LGALS3: variants seen among roughly 807,000 people sequenced by gnomAD.
LGALS3 encodes galectin 3, also known as galectin-3.
A neutral mutation model predicts 20.7 loss-of-function variants in LGALS3; 18 were observed. The ratio of observed to expected loss-of-function variants is 0.87; its 90% CI spans 0.60 to 1.29. LGALS3 has a LOEUF of 1.29. Among genes scored for constraint, LGALS3 ranks in the 50% most tolerant of loss-of-function variants. LGALS3 has a pLI of 0.00. For missense variants in LGALS3, 315 were observed against 314.7 expected, an observed-to-expected ratio of 1.00 and a Z score of -0.01; for synonymous variants, 112 against 119.6, an observed-to-expected ratio of 0.94 and a Z score of 0.42.
rs1491130032 is a variant in LGALS3 at position 55,130,766 on chromosome 14, G to GT, written c.-5+1467dup. Among the ~76,000 whole-genome samples the GT allele has an allele frequency of 4.8e-3, 606 of 126,246 alleles. 4 individuals carry two copies. Among genetic ancestry groups the GT allele is most frequent in the Non-Finnish European group, 8.2e-3 (487 of 59,044 alleles). 82.8% of individuals were successfully genotyped at this position (126,246 alleles called of 152,430 possible). A position where few individuals can be genotyped will look rare whatever the true frequency, so the allele number is the denominator to read the frequency against. ...TGGTGGTGGTGGTGGGGGGGGGGGG[G>GT]TCCCTCCATGTTGGTCAGGCTGGTC... is the stretch of plus-strand genomic sequence containing the variant. On this transcript the variant is annotated intron_variant, in intron 1 of 5. Coordinates refer to ENST00000254301, the MANE Select transcript of LGALS3 (RefSeq NM_002306.4).
At chr14:55,130,754 G>T (rs75585784) in intron 1 of LGALS3, among the ~76,000 whole-genome samples, 10,343 of 76,140 alleles carry the variant, frequency 0.14, 1,385 homozygotes, top group African/African-American at 0.44. Context: ...TGGTGGTGGT[G>T]GGGGGGGGGG....
rs764690886 is a variant in LGALS3 at position 55,142,758 on chromosome 14, T to C, written c.597+9T>C. The C allele has an allele frequency of 5.6e-6, 9 of 1,597,238 alleles. No homozygotes were observed. The South Asian group carries it at 7.7e-5, about 14-fold the overall frequency. ...GTGGGAAACCATTCAAAGTAAGTTA[T>C]TGCTACTATTATATATTGATAATGT... On this transcript the variant is annotated intron_variant, in intron 5 of 5. Transcript: ENST00000254301.
At position 55,129,574 on chromosome 14, in the gene LGALS3, C is replaced by A. The variant is rs1258944987; in HGVS notation, c.-5+274C>A. ...ACCCACACACGTCCCCGGGGCGGCA[C>A]GGGCCACCTTCTGCGGAGCCTCGTG... On this transcript the variant is annotated intron_variant, in intron 1 of 5. Coordinates refer to ENST00000254301, the MANE Select transcript of LGALS3 (RefSeq NM_002306.4). The surrounding 1 kb of genome is among the most constrained non-coding windows in gnomAD (Gnocchi z 5.3). 6.6e-6 allele frequency among the ~76,000 whole-genome samples: 1 copy of A among 152,166 alleles called. No homozygotes were observed. The highest frequency in any genetic ancestry group is 1.5e-5 in the Non-Finnish European group (1 of 68,006).
At position 55,145,126 on chromosome 14, in the gene LGALS3, T is replaced by C. The variant is rs1454837098; in HGVS notation, c.608T>C (p.Leu203Pro). The C allele has an allele frequency of 6.2e-7, 1 of 1,613,484 alleles. No individual in the cohort carries two copies. Among genetic ancestry groups the C allele is most frequent in the South Asian group, 1.1e-5 (1 of 91,036 alleles). ...ESGKPFKIQV[L>P]VEPDHFKVAV... ...TATATGCCATTTCAGATACAAGTAC[T>C]GGTTGAACCTGACCACTTCAAGGTT... The change falls in exon 6 of 6, where the codon CTG becomes CCG. Residue 203 changes from leucine (L) to proline (P), a missense_variant. Leu to Pro is a moderately conservative substitution (Grantham distance 98). Transcript: ENST00000254301.
At chr14:55,135,814 C>T (rs1432518861) in intron 1 of LGALS3, among the ~76,000 whole-genome samples, 1 of 152,174 alleles carries the variant, frequency 6.6e-6, no homozygotes, top group South Asian at 2.1e-4. Flanking sequence ...ATTTGCCCAC[C>T]TTGGCCTCCC....
chr14:55,143,312 G>A (rs1881693997), intron 5 of LGALS3: 1 of 234,716 alleles, frequency 4.3e-6, no homozygotes, highest in African/African-American at 2.4e-5. Context: ...GTTGACTATA[G>A]AGTGGTGAAT....
At chr14:55,143,598 T>A (rs1485929329) in intron 5 of LGALS3, 2 of 209,132 alleles carry the variant, frequency 9.6e-6, no homozygotes, top group African/African-American at 4.8e-5. Context: ...ACTTTTGTAT[T>A]TTCTGTAGAG....
At chr14:55,134,638 C>T (rs759333744) in intron 1 of LGALS3, among the ~76,000 whole-genome samples, 3 of 152,260 alleles carry the variant, frequency 2.0e-5, no homozygotes, top group Non-Finnish European at 4.4e-5. Context: ...GTTTCTTATA[C>T]GGTAGTGTGG....
At chr14:55,141,724 C>A (rs1260797890) in intron 4 of LGALS3, among the ~76,000 whole-genome samples, 1 of 152,172 alleles carries the variant, frequency 6.6e-6, no homozygotes, top group African/African-American at 2.4e-5. Context: ...AAATTCTATG[C>A]TGTTTTTTCC....
chr14:55,136,795 C>T, intron 1 of LGALS3, among the ~76,000 whole-genome samples: 1 of 151,592 alleles, frequency 6.6e-6, no homozygotes, highest in Non-Finnish European at 1.5e-5. Context: ...ACTATCCCCA[C>T]CTCCCTCCCA....
At chr14:55,140,901 CT>C (rs1464632190) in intron 4 of LGALS3, among the ~76,000 whole-genome samples, 1 of 152,152 alleles carries the variant, frequency 6.6e-6, no homozygotes, top group African/African-American at 2.4e-5. Context: ...CTAATTATGG[CT>C]GTCCTGGGCT....
At chr14:55,140,210 A>G (rs895841238) in intron 3 of LGALS3, 65 bp from the exon 4 acceptor site, 6 of 1,014,546 alleles carry the variant, frequency 5.9e-6, no homozygotes, top group Non-Finnish European at 9.2e-6. Context: ...GAACTTTAGC[A>G]ACATCGTTTT....
At chr14:55,137,536 C>A in intron 2 of LGALS3, 145 bp downstream of exon 2, 1 of 1,570,468 alleles carries the variant, frequency 6.4e-7, no homozygotes. Context: ...GGCTTGCAAG[C>A]TGGAGCCTTG....
intron 5 of LGALS3, chr14:55,143,378 A>G (rs1056821825): frequency 2.4e-4 from 83 of 340,182 alleles, no homozygotes; most frequent in Admixed American, 4.2e-4. Flanking sequence ...ACCACAGTCT[A>G]CATTTGGTGG....
chr14:55,133,262 C>T (rs1881284312), intron 1 of LGALS3, among the ~76,000 whole-genome samples: 1 of 152,166 alleles, frequency 6.6e-6, no homozygotes, highest in Admixed American at 6.5e-5. Flanking sequence ...CTTGATCTGC[C>T]AATGACAGAT....
intron 1 of LGALS3, among the ~76,000 whole-genome samples, chr14:55,130,221 A>G (rs1034921379): frequency 7.9e-5 from 12 of 152,146 alleles, no homozygotes; most frequent in Non-Finnish European, 1.3e-4. Context: ...AAATAGAAAC[A>G]CTAAAACGAT....
chr14:55,136,718 G>A (rs1375080611), intron 1 of LGALS3, among the ~76,000 whole-genome samples: 3 of 152,194 alleles, frequency 2.0e-5, no homozygotes, highest in Admixed American at 2.0e-4. Context: ...ATTGACTATA[G>A]TCACCCTGCT....
At chr14:55,139,500 C>T (rs1199914382) in intron 3 of LGALS3, among the ~76,000 whole-genome samples, 1 of 152,124 alleles carries the variant, frequency 6.6e-6, no homozygotes, top group African/African-American at 2.4e-5. Context: ...GTGGCTCATG[C>T]CTGTAATCCC....
intron 1 of LGALS3, among the ~76,000 whole-genome samples, chr14:55,134,303 A>G (rs1310665954): frequency 6.6e-6 from 1 of 152,242 alleles, no homozygotes; most frequent in African/African-American, 2.4e-5. Flanking sequence ...CCTGCAGTGC[A>G]CAGGACAGCG....
Sources: allele counts gnomAD v4.1 joint callset (sites outside exome capture counted in the v4.1 genomes callset), GRCh38; gene constraint gnomAD v4.1.1; non-coding constraint Gnocchi (gnomAD v3.1); transcripts MANE v1.5; gene names NCBI Gene and HGNC (gene_info 2026-07-23, HGNC 2026-07-21).